The following ATF2 variants were observed in gnomAD, a reference collection of about 807,000 sequenced individuals.
The protein encoded by ATF2 is activating transcription factor 2.
In ATF2, 24 loss-of-function variants were observed where a neutral mutation model predicts 60.6. The observed-to-expected ratio is 0.40, with a 90% CI of 0.29 to 0.56. The LOEUF (loss-of-function observed/expected upper bound fraction) is 0.56. Ranked by LOEUF, ATF2 falls within the 20% of genes least tolerant of loss-of-function variation. The pLI, the probability that ATF2 is intolerant of heterozygous loss-of-function variation, is 0.54. For missense variants in ATF2, 433 were observed against 607.7 expected (o/e 0.71, Z 3.02); for synonymous variants, 206 against 215.4 (o/e 0.96, Z 0.38).
chr2:175,125,376 G>A (rs1697260309), intron 4 of ATF2, among the ~76,000 whole-genome samples: 1 of 151,952 alleles, frequency 6.6e-6, no homozygotes. Context: ...AGTAATACTT[G>A]CAAAGAGATT....
At chr2:175,150,218 C>T (rs559283767) in intron 2 of ATF2, among the ~76,000 whole-genome samples, 13 of 151,992 alleles carry the variant, frequency 8.6e-5, no homozygotes, top group South Asian at 8.3e-4. Flanking sequence ...AATTATTTTC[C>T]GAATTTTTGT....
chr2:175,118,634 G>C (rs1696747335), intron 5 of ATF2, among the ~76,000 whole-genome samples: 1 of 151,434 alleles, frequency 6.6e-6, no homozygotes, highest in Non-Finnish European at 1.5e-5. Flanking sequence ...GAGTAGAATG[G>C]CATAAACATC....
chr2:175,107,540 T>C (rs1574381382), intron 10 of ATF2, among the ~76,000 whole-genome samples: 1 of 140,034 alleles, frequency 7.1e-6, no homozygotes, highest in South Asian at 2.2e-4. Context: ...TCCCTCTCCC[T>C]CTCCCCACGG....
At chr2:175,121,103 T>C (rs1474167881) in intron 5 of ATF2, among the ~76,000 whole-genome samples, 1 of 151,796 alleles carries the variant, frequency 6.6e-6, no homozygotes, top group Non-Finnish European at 1.5e-5. Flanking sequence ...GCCTTGTAAG[T>C]CAGTTGTACA....
At chr2:175,146,707 C>T (rs553574007) in intron 2 of ATF2, among the ~76,000 whole-genome samples, 2 of 152,100 alleles carry the variant, frequency 1.3e-5, no homozygotes, top group East Asian at 1.9e-4. Context: ...GTGATGAAAT[C>T]GCATCTTCTT....
chr2:175,097,546 A>C lies in ATF2; in HGVS notation c.876T>G (p.Gly292=). 1.9e-6 allele frequency: 3 copies of C among 1,614,082 alleles called. No homozygotes were observed. The highest frequency in any genetic ancestry group is 2.5e-6 in the Non-Finnish European group (3 of 1,179,990). The change falls in exon 11 of 14, where the codon GGT becomes GGG. Residue 292 remains glycine, a synonymous_variant. Coordinates refer to ENST00000264110, the MANE Select transcript of ATF2 (RefSeq NM_001880.4). ...CGCTACCATGACCTTTGACAGTATC[A>C]CCATTGGTAACTGGAGGATGTTGCT... is the stretch of plus-strand genomic sequence containing the variant. ...LTQQHPPVTN[G]DTVKGHGSGL...
At chr2:175,087,443 A>C (rs1454376306) in intron 12 of ATF2, among the ~76,000 whole-genome samples, 1 of 152,212 alleles carries the variant, frequency 6.6e-6, no homozygotes, top group Non-Finnish European at 1.5e-5. Context: ...TTAATTACAT[A>C]GCAGCAGACA....
At chr2:175,111,765 T>A in intron 9 of ATF2, 111 bp from the exon 10 acceptor site, 5 of 894,668 alleles carry the variant, frequency 5.6e-6, no homozygotes, top group Non-Finnish European at 8.4e-6. Context: ...CATTGTAAAT[T>A]TATCACCAGC....
chr2:175,164,388 G>C (rs1009080175), intron 1 of ATF2, among the ~76,000 whole-genome samples: 3 of 151,994 alleles, frequency 2.0e-5, no homozygotes, highest in Admixed American at 6.6e-5. Context: ...ACAAAAATCA[G>C]CAGGGAATGG....
chr2:175,117,957 C>T (rs772466847), intron 7 of ATF2, 33 bp downstream of exon 7: 185 of 1,572,982 alleles, frequency 1.2e-4, no homozygotes, highest in Non-Finnish European at 1.4e-4. Context: ...TACTGTTCCT[C>T]CCCCTTACTT....
chr2:175,118,128 AAAT>A lies in ATF2; in HGVS notation c.319-13_319-11del, dbSNP rs757222576. The stretch of plus-strand genomic sequence containing the variant: ...ATAAATCTAGAGGCATCTATAATTC[AAAT>A]AATAAGGAAAAGGTTATAAGTTCAA... On this transcript the variant is annotated splice_polypyrimidine_tract_variant and intron_variant, in intron 6 of 13. Transcript: ENST00000264110. 3 of 1,607,262 alleles carry A rather than the reference AAAT, an allele frequency of 1.9e-6. No homozygotes were observed. In the African/African-American group the frequency reaches 4.0e-5, roughly 22 times the overall value.
intron 12 of ATF2, among the ~76,000 whole-genome samples, chr2:175,085,622 T>C (rs1317475779): frequency 1.3e-5 from 2 of 150,836 alleles, no homozygotes; most frequent in African/African-American, 4.9e-5. Context: ...AATAGACAGG[T>C]CTGAAACTGA....
chr2:175,087,180 T>C (rs998669328), intron 12 of ATF2, among the ~76,000 whole-genome samples: 10 of 152,220 alleles, frequency 6.6e-5, no homozygotes, highest in African/African-American at 2.2e-4. Context: ...TGTGAGTTAG[T>C]ATACTTGCAG....
chr2:175,142,954 T>C (rs1698692074), intron 2 of ATF2, among the ~76,000 whole-genome samples: 1 of 152,014 alleles, frequency 6.6e-6, no homozygotes, highest in Non-Finnish European at 1.5e-5. Context: ...TCAAGTGATC[T>C]TCCCGCCTCA....
chr2:175,148,875 C>T (rs936604104), intron 2 of ATF2, among the ~76,000 whole-genome samples: 10 of 152,122 alleles, frequency 6.6e-5, no homozygotes, highest in African/African-American at 2.4e-4. Context: ...AGTTGTCCTA[C>T]CTTTCTGGAC....
intron 3 of ATF2, 86 bp downstream of exon 3, chr2:175,136,326 T>C: frequency 7.9e-7 from 1 of 1,270,416 alleles, no homozygotes; most frequent in Non-Finnish European, 1.1e-6. Flanking sequence ...ACACCACAAA[T>C]ACTTACCTAA....
chr2:175,095,315 C>T (rs1332539810), intron 11 of ATF2, among the ~76,000 whole-genome samples: 1 of 152,088 alleles, frequency 6.6e-6, no homozygotes, highest in Non-Finnish European at 1.5e-5. Context: ...TGGTCTCGAA[C>T]TCCTGACCTC....
chr2:175,145,524 T>G (rs375725604), intron 2 of ATF2, among the ~76,000 whole-genome samples: 1 of 152,200 alleles, frequency 6.6e-6, no homozygotes. Flanking sequence ...GTATAGCCTG[T>G]GGAACCAGGA....
chr2:175,167,805 A>C (rs1427896399), intron 1 of ATF2: 2 of 443,680 alleles, frequency 4.5e-6, no homozygotes, highest in African/African-American at 4.0e-5. Flanking sequence ...GGGCCGGAAC[A>C]ACGAACGCTG....
Sources: gnomAD v4.1 joint callset for allele counts (sites outside exome capture counted in the v4.1 genomes callset) on GRCh38, gnomAD v4.1.1 for gene constraint, MANE v1.5 for transcripts, NCBI Gene and HGNC (gene_info 2026-07-23, HGNC 2026-07-21) for gene names.